LRRC4C: variants seen among roughly 807,000 people sequenced by gnomAD.
LRRC4C encodes the protein leucine-rich repeat-containing protein 4C.
A neutral mutation model predicts 33.6 loss-of-function variants in LRRC4C; 5 were observed. The observed-to-expected ratio is 0.15, with a 90% confidence interval of 0.08 to 0.31. LRRC4C has a LOEUF of 0.31. Ranked by LOEUF, LRRC4C falls within the 10% of genes least tolerant of loss-of-function variation. The pLI is 1.00. For missense variants in LRRC4C, 560 were observed against 796.7 expected, an observed-to-expected ratio of 0.70 and a Z score of 3.58; for synonymous variants, 329 against 302.0, an observed-to-expected ratio of 1.09 and a Z score of -0.93.
intron 2 of LRRC4C, among the ~76,000 whole-genome samples, chr11:40,750,767 C>G (rs1720721467): frequency 2.7e-5 from 4 of 148,808 alleles, no homozygotes; most frequent in Non-Finnish European, 5.9e-5. Context: ...CAAACCTGCA[C>G]GTTGTGCACA....
intron 3 of LRRC4C, among the ~76,000 whole-genome samples, chr11:40,568,184 T>C (rs542773603): frequency 2.3e-3 from 346 of 152,352 alleles, no homozygotes; most frequent in Non-Finnish European, 3.9e-3. Flanking sequence ...GCTCTTGCTC[T>C]TTCTCAGATC....
At chr11:40,907,400 G>T (rs544249297) in intron 2 of LRRC4C, among the ~76,000 whole-genome samples, 1 of 152,218 alleles carries the variant, frequency 6.6e-6, no homozygotes, top group African/African-American at 2.4e-5. Flanking sequence ...GAACATAATG[G>T]GGCAATCATT....
chr11:40,307,825 T>C (rs1945116286), intron 4 of LRRC4C, among the ~76,000 whole-genome samples: 1 of 152,192 alleles, frequency 6.6e-6, no homozygotes, highest in South Asian at 2.1e-4. Flanking sequence ...AGTTAGAGAA[T>C]ACAAAATTAA....
At chr11:41,366,529 T>C (rs1265833483) in intron 1 of LRRC4C, among the ~76,000 whole-genome samples, 1 of 152,178 alleles carries the variant, frequency 6.6e-6, no homozygotes, top group Non-Finnish European at 1.5e-5. Context: ...TAATGCATTT[T>C]AGTTTTTAAA....
intron 3 of LRRC4C, among the ~76,000 whole-genome samples, chr11:40,562,996 GC>G (rs1336266624): frequency 6.8e-6 from 1 of 146,162 alleles, no homozygotes; most frequent in African/African-American, 2.5e-5. Flanking sequence ...GGCTCTCTCT[GC>G]CTACTTCTCT....
At chr11:40,129,808 G>A (rs906689561) in intron 6 of LRRC4C, among the ~76,000 whole-genome samples, 1 of 152,166 alleles carries the variant, frequency 6.6e-6, no homozygotes, top group African/African-American at 2.4e-5. Context: ...GCAAGGGACT[G>A]GGGAAGGCTA....
rs1378261906 is a variant in LRRC4C, at chr11:40,517,736, A to T, written c.-270+130406T>A. Among the ~76,000 whole-genome samples, 6 of 117,558 alleles carry T rather than the reference A, an allele frequency of 5.1e-5. No individual in the cohort carries two copies. The Admixed American group carries it at 6.2e-4, about 12-fold the overall frequency. The allele number at this position is 117,558 out of a possible 152,430, so 77.1% of individuals were successfully genotyped here. ...AGCTACCATTGACTTTCTTCACAGA[A>T]TTGGGGGGAAAAAAAAAAAACTACT... is the stretch of plus-strand genomic sequence containing the variant. On this transcript the variant is annotated intron_variant, in intron 3 of 6. Transcript: ENST00000528697.
chr11:40,629,899 C>A (rs1363760793), intron 3 of LRRC4C, among the ~76,000 whole-genome samples: 1 of 152,050 alleles, frequency 6.6e-6, no homozygotes, highest in Non-Finnish European at 1.5e-5. Flanking sequence ...AGATACAGAG[C>A]ATATGTTAAA....
chr11:40,817,954 T>C (rs1174623444), intron 2 of LRRC4C, among the ~76,000 whole-genome samples: 3 of 152,128 alleles, frequency 2.0e-5, no homozygotes, highest in Non-Finnish European at 4.4e-5. Context: ...TCACCCAAGT[T>C]AATTATGCCT....
chr11:40,760,334 A>T (rs1414362384), intron 2 of LRRC4C, among the ~76,000 whole-genome samples: 2 of 151,948 alleles, frequency 1.3e-5, no homozygotes, highest in Admixed American at 1.3e-4. Flanking sequence ...CTTCGTGCCG[A>T]AAAAGGGAGA....
chr11:40,510,039 T>A lies in LRRC4C; in HGVS notation c.-270+138103A>T, dbSNP rs539596568. Among the ~76,000 whole-genome samples the A allele has an allele frequency of 3.3e-5, 5 of 152,178 alleles. 1 individual carries two copies. In the South Asian group the frequency reaches 1.0e-3, roughly 32 times the overall value. ...CAAGTGCCATCTTCAGCTTCAAAAATAGTGCTTTTCCACTCCAGTTATGCA... is the reference window on the plus strand; with the variant it reads ...CAAGTGCCATCTTCAGCTTCAAAAAAAGTGCTTTTCCACTCCAGTTATGCA... On this transcript the variant is annotated intron_variant, in intron 3 of 6. Transcript: ENST00000528697.
At chr11:40,887,524 C>T (rs912387045) in intron 2 of LRRC4C, among the ~76,000 whole-genome samples, 3 of 151,992 alleles carry the variant, frequency 2.0e-5, no homozygotes, top group African/African-American at 4.8e-5. Context: ...AAAGACTTTG[C>T]TGACCCACTT....
At chr11:41,427,674 C>T (rs75479895) in intron 1 of LRRC4C, among the ~76,000 whole-genome samples, 2,798 of 152,160 alleles carry the variant, frequency 0.018, 93 homozygotes, top group African/African-American at 0.064. Context: ...GGAAAGTGTC[C>T]GGCCTCTGAG....
chr11:41,169,177 G>A (rs1793829081), intron 1 of LRRC4C, among the ~76,000 whole-genome samples: 1 of 152,092 alleles, frequency 6.6e-6, no homozygotes, highest in Admixed American at 6.6e-5. Context: ...TAGATTAAGA[G>A]AATAAAACAT....
At chr11:40,505,098 A>G (rs1954968111) in intron 3 of LRRC4C, among the ~76,000 whole-genome samples, 1 of 152,012 alleles carries the variant, frequency 6.6e-6, no homozygotes, top group Admixed American at 6.6e-5. Context: ...ATTCAATTGG[A>G]TAAGGCTAAA....
rs1857612271 is a variant in LRRC4C at position 40,144,850 on chromosome 11, A to T, written c.-95-3997T>A. On this transcript the variant is annotated intron_variant, in intron 5 of 6. Transcript: ENST00000528697. ...GGTCTTTTAACACAAGGTAAACAGGAGGTATTTTCTGCAATGAATCCTTCC... is the reference window on the plus strand; with the variant it reads ...GGTCTTTTAACACAAGGTAAACAGGTGGTATTTTCTGCAATGAATCCTTCC... 3.3e-5 allele frequency among the ~76,000 whole-genome samples: 5 copies of T among 152,330 alleles called. No homozygotes were observed. In the South Asian group the frequency reaches 1.0e-3, roughly 32 times the overall value.
At chr11:40,597,090 A>T (rs1444108304) in intron 3 of LRRC4C, among the ~76,000 whole-genome samples, 3 of 152,250 alleles carry the variant, frequency 2.0e-5, no homozygotes, top group South Asian at 4.2e-4. Context: ...TCACAGAAAA[A>T]TCATCAGTTT....
At chr11:41,269,126 A>G (rs1228471804) in intron 1 of LRRC4C, among the ~76,000 whole-genome samples, 1 of 152,116 alleles carries the variant, frequency 6.6e-6, no homozygotes, top group African/African-American at 2.4e-5. Context: ...ATAAAACAAT[A>G]TCTAAGTGAT....
At chr11:40,395,536 T>A (rs1387484463) in intron 3 of LRRC4C, among the ~76,000 whole-genome samples, 1 of 152,164 alleles carries the variant, frequency 6.6e-6, no homozygotes, top group Non-Finnish European at 1.5e-5. Flanking sequence ...GGATTAGATA[T>A]CAAAGAACTG....
Sources: gnomAD v4.1 joint callset for allele counts (sites outside exome capture counted in the v4.1 genomes callset) on GRCh38, gnomAD v4.1.1 for gene constraint, MANE v1.5 for transcripts, NCBI Gene and HGNC (gene_info 2026-07-23, HGNC 2026-07-21) for gene names.